The following EGLN1 variants were observed in gnomAD, a reference collection of about 807,000 sequenced individuals.
EGLN1 encodes egl nine homolog 1.
A neutral mutation model predicts 38.3 loss-of-function variants in EGLN1; 17 were observed. The ratio of observed to expected loss-of-function variants is 0.44; its 90% CI spans 0.30 to 0.67. The LOEUF (loss-of-function observed/expected upper bound fraction) is 0.67. EGLN1 is among the 30% of genes least tolerant of loss of function. EGLN1 has a pLI of 0.08. For missense variants in EGLN1, 477 were observed against 603.3 expected, an observed-to-expected ratio of 0.79 and a Z score of 2.19; for synonymous variants, 283 against 257.5, an observed-to-expected ratio of 1.10 and a Z score of -0.95.
At chr1:231,400,491 A>C (rs182330338) in intron 1 of EGLN1, among the ~76,000 whole-genome samples, 1 of 152,308 alleles carries the variant, frequency 6.6e-6, no homozygotes, top group East Asian at 1.9e-4. Context: ...ACAGTATCTT[A>C]GTAAATGTTT....
intron 1 of EGLN1, among the ~76,000 whole-genome samples, chr1:231,381,585 T>C (rs1020440191): frequency 2.0e-5 from 3 of 152,160 alleles, no homozygotes; most frequent in African/African-American, 7.2e-5. Context: ...CACTTAAAAA[T>C]CAACTTAAGT....
At position 231,421,160 on chromosome 1, in the gene EGLN1, C is replaced by T; in HGVS notation, c.729G>A (p.Gln243=). The stretch of plus-strand genomic sequence containing the variant: ...GGATGTCCTTGGACGAGTCACTCTT[C>T]TGGCTGACCAGCTGCCCGTCCGTGA... ...GKFTDGQLVS[Q]KSDSSKDIRG... Residue 243 remains glutamine, a synonymous_variant, in exon 1 of 5, where the codon CAG becomes CAA. Transcript: ENST00000366641. The surrounding 1 kb of genome is among the most constrained non-coding windows in gnomAD (Gnocchi z 5.5). 1 of 1,614,210 alleles carries T rather than the reference C, an allele frequency of 6.2e-7. No homozygotes were observed. Among genetic ancestry groups the T allele is most frequent in the African/African-American group, 1.3e-5 (1 of 75,048 alleles).
intron 1 of EGLN1, among the ~76,000 whole-genome samples, chr1:231,407,313 AT>A (rs1688825033): frequency 6.6e-6 from 1 of 152,194 alleles, no homozygotes; most frequent in Non-Finnish European, 1.5e-5. Flanking sequence ...CATAAAAGAA[AT>A]ATTTCTCAAC....
rs35250338 is a variant in EGLN1 at position 231,416,426 on chromosome 1, C to CA, written c.891+4571dup. On this transcript the variant is annotated intron_variant, in intron 1 of 4. Transcript: ENST00000366641. ...AGATAAGTAAAGAGTTACATACATA[C>CA]AAAAAAAAAATTTTTTTTTTTTTTT... Among the ~76,000 whole-genome samples, 525 of 147,724 alleles carry CA rather than the reference C, an allele frequency of 3.6e-3. 5 individuals are homozygous for CA. The highest frequency in any genetic ancestry group is 0.011 in the African/African-American group (431 of 40,028).
intron 1 of EGLN1, among the ~76,000 whole-genome samples, chr1:231,375,817 A>G (rs1687945170): frequency 6.6e-6 from 1 of 152,214 alleles, no homozygotes; most frequent in South Asian, 2.1e-4. Context: ...TAATTTAACA[A>G]TGCAATTACT....
At chr1:231,406,682 T>C (rs1688805105) in intron 1 of EGLN1, among the ~76,000 whole-genome samples, 1 of 152,086 alleles carries the variant, frequency 6.6e-6, no homozygotes, top group Non-Finnish European at 1.5e-5. Flanking sequence ...TATGGTTTTT[T>C]GGAACTCTAA....
chr1:231,400,406 G>A (rs1391814692), intron 1 of EGLN1, among the ~76,000 whole-genome samples: 1 of 152,116 alleles, frequency 6.6e-6, no homozygotes, highest in Non-Finnish European at 1.5e-5. Flanking sequence ...TGGCATTAAT[G>A]TGATCTTGAT....
chr1:231,399,136 T>A (rs1316407231), intron 1 of EGLN1, among the ~76,000 whole-genome samples: 1 of 152,178 alleles, frequency 6.6e-6, no homozygotes, highest in Non-Finnish European at 1.5e-5. Context: ...AGTGACGGTA[T>A]CTGAAGATAC....
intron 1 of EGLN1, among the ~76,000 whole-genome samples, chr1:231,385,863 T>G (rs1267762390): frequency 6.6e-6 from 1 of 152,206 alleles, no homozygotes; most frequent in East Asian, 1.9e-4. Context: ...CTTTTTCTAT[T>G]TTTGTTTTCC....
intron 1 of EGLN1, among the ~76,000 whole-genome samples, chr1:231,381,762 A>G (rs1688084824): frequency 6.6e-6 from 1 of 151,520 alleles, no homozygotes; most frequent in Admixed American, 6.6e-5. Context: ...CTGTCAGAAC[A>G]GAGATCTACA....
intron 1 of EGLN1, among the ~76,000 whole-genome samples, chr1:231,377,665 C>T (rs1687993027): frequency 6.6e-6 from 1 of 152,178 alleles, no homozygotes; most frequent in Non-Finnish European, 1.5e-5. Context: ...AAACTGAGGG[C>T]ACCAGGATTA....
chr1:231,407,557 T>C (rs1688829902), intron 1 of EGLN1, among the ~76,000 whole-genome samples: 1 of 152,190 alleles, frequency 6.6e-6, no homozygotes, highest in Non-Finnish European at 1.5e-5. Flanking sequence ...AAAAAGGGTA[T>C]ATAAAGAAGT....
At chr1:231,380,102 G>C (rs538571105) in intron 1 of EGLN1, among the ~76,000 whole-genome samples, 13 of 152,304 alleles carry the variant, frequency 8.5e-5, no homozygotes, top group Non-Finnish European at 1.5e-5. Flanking sequence ...TGTAAATTTA[G>C]GAGCCATCTT....
chr1:231,406,029 CTTT>C (rs777315311), intron 1 of EGLN1, among the ~76,000 whole-genome samples: 6 of 68,720 alleles, frequency 8.7e-5, no homozygotes, highest in East Asian at 4.8e-4. Flanking sequence ...ATTACTAAGG[CTTT>C]TTTTTTTTTT....
chr1:231,389,578 C>T (rs1360745402), intron 1 of EGLN1, among the ~76,000 whole-genome samples: 2 of 152,136 alleles, frequency 1.3e-5, no homozygotes, highest in Non-Finnish European at 2.9e-5. Flanking sequence ...TTATGTAGCA[C>T]CTTCTAGTTT....
intron 1 of EGLN1, among the ~76,000 whole-genome samples, chr1:231,388,670 T>C (rs1688290288): frequency 7.3e-6 from 1 of 136,250 alleles, no homozygotes; most frequent in Admixed American, 7.4e-5. Context: ...TTGTTGTTGT[T>C]TTGAGACGGC....
intron 3 of EGLN1, among the ~76,000 whole-genome samples, chr1:231,368,735 A>C (rs1472103107): frequency 6.6e-6 from 1 of 152,220 alleles, no homozygotes; most frequent in African/African-American, 2.4e-5. Flanking sequence ...AATATGACAG[A>C]ATGAAAAATC....
At chr1:231,409,319 G>A (rs1035664162) in intron 1 of EGLN1, among the ~76,000 whole-genome samples, 1 of 151,128 alleles carries the variant, frequency 6.6e-6, no homozygotes, top group Non-Finnish European at 1.5e-5. Context: ...ATCCCAATAG[G>A]ATCCTGTACT....
chr1:231,386,060 C>G (rs1396029609), intron 1 of EGLN1, among the ~76,000 whole-genome samples: 2 of 151,790 alleles, frequency 1.3e-5, no homozygotes, highest in African/African-American at 4.8e-5. Flanking sequence ...AAGTGATCTG[C>G]CTGCCTTGGC....
Sources: allele counts gnomAD v4.1 joint callset (sites outside exome capture counted in the v4.1 genomes callset), GRCh38; gene constraint gnomAD v4.1.1; non-coding constraint Gnocchi (gnomAD v3.1); transcripts MANE v1.5; gene names NCBI Gene and HGNC (gene_info 2026-07-23, HGNC 2026-07-21).